Variants in GRAMD1C observed in about 807,000 individuals in gnomAD.
The protein encoded by GRAMD1C is protein Aster-C.
GRAMD1C carries 89 observed loss-of-function variants against 97.8 expected under a neutral mutation model. The ratio of observed to expected loss-of-function variants is 0.91; its 90% CI spans 0.77 to 1.09. The LOEUF (loss-of-function observed/expected upper bound fraction) is 1.09, where lower values mean the gene tolerates loss of function less well. GRAMD1C is among the 50% of genes least tolerant of loss of function. The probability of loss-of-function intolerance (pLI) is 0.00; values close to 1 mark genes in which losing one functional copy is unlikely to be tolerated. For synonymous variants in GRAMD1C, 256 were observed against 267.0 expected (o/e 0.96, Z 0.40); for missense variants, 740 against 766.4 (o/e 0.97, Z 0.41).
intron 6 of GRAMD1C, among the ~76,000 whole-genome samples, chr3:113,894,898 T>G (rs1389648273): frequency 6.6e-6 from 1 of 152,214 alleles, no homozygotes; most frequent in Admixed American, 6.5e-5. Context: ...GCTTCTATTT[T>G]GGGAATCACT....
At chr3:113,830,228 T>C (rs768742219) in intron 1 of GRAMD1C, among the ~76,000 whole-genome samples, 19 of 152,160 alleles carry the variant, frequency 1.2e-4, no homozygotes, top group Non-Finnish European at 2.2e-4. Context: ...GTTCTCTACA[T>C]GGCCAGGCAC....
chr3:113,860,230 C>T (rs141111529), intron 2 of GRAMD1C, among the ~76,000 whole-genome samples: 2,310 of 152,228 alleles, frequency 0.015, 49 homozygotes, highest in African/African-American at 0.05. Flanking sequence ...CCATGTTGGT[C>T]AGACCAGTCT....
intron 10 of GRAMD1C, among the ~76,000 whole-genome samples, chr3:113,929,849 G>C (rs1431899416): frequency 1.3e-5 from 2 of 152,116 alleles, no homozygotes; most frequent in Non-Finnish European, 2.9e-5. Context: ...TTCCTTTGAT[G>C]ATGAGTATAA....
chr3:113,896,802 A>G (rs1935967756), intron 6 of GRAMD1C, among the ~76,000 whole-genome samples: 1 of 152,152 alleles, frequency 6.6e-6, no homozygotes, highest in African/African-American at 2.4e-5. Flanking sequence ...TGATTTGTTT[A>G]CACACATCAC....
intron 1 of GRAMD1C, among the ~76,000 whole-genome samples, chr3:113,841,666 CT>C (rs1318474921): frequency 6.6e-6 from 1 of 151,990 alleles, no homozygotes; most frequent in Non-Finnish European, 1.5e-5. Context: ...ATAATTTTAA[CT>C]GGGCATTGAG....
chr3:113,887,079 CTTTTTGTTTTTTTTTTGTTTTT>C (rs1211044315), intron 6 of GRAMD1C, among the ~76,000 whole-genome samples: 1 of 97,506 alleles, frequency 1.0e-5, no homozygotes, highest in Non-Finnish European at 2.1e-5. Flanking sequence ...TGCGCCTGGC[CTTTTTGTTTTTTTTTTGTTTTT>C]TTTTTTTTTT....
chr3:113,933,318 C>T (rs1937509616), intron 11 of GRAMD1C, among the ~76,000 whole-genome samples, 193 bp from the exon 12 acceptor site: 1 of 152,184 alleles, frequency 6.6e-6, no homozygotes, highest in Non-Finnish European at 1.5e-5. Flanking sequence ...AGGCATAAGC[C>T]GCCATACCCG....
chr3:113,887,120 G>A, intron 6 of GRAMD1C, among the ~76,000 whole-genome samples: 1 of 121,596 alleles, frequency 8.2e-6, no homozygotes, highest in Non-Finnish European at 1.6e-5. Flanking sequence ...TTGAGATAGA[G>A]TCTCACTCTG....
rs534035148 is a variant in GRAMD1C at position 113,919,622 on chromosome 3, A to G, written c.1090+3784A>G. The G allele has an allele frequency of 1.9e-3, 1,176 of 629,850 alleles. 16 individuals carry two copies. The highest frequency in any genetic ancestry group is 0.015 in the South Asian group (1,026 of 68,030). 39.0% of individuals were successfully genotyped at this position (629,850 alleles called of 1,614,324 possible). On this transcript the variant is annotated intron_variant, in intron 10 of 17. Coordinates refer to ENST00000358160, the MANE Select transcript of GRAMD1C (RefSeq NM_017577.5). ...TCACTTGAGGTATTTTCTTAAAGTG[A>G]CAATAGTGAGAAGACTGACAGATTT...
chr3:113,885,094 C>T (rs1252885069), intron 6 of GRAMD1C, among the ~76,000 whole-genome samples: 2 of 151,946 alleles, frequency 1.3e-5, no homozygotes, highest in East Asian at 1.9e-4. Context: ...GGGCTGCCCA[C>T]GCCTGTCCCC....
chr3:113,892,085 C>T (rs1276088563), intron 6 of GRAMD1C, among the ~76,000 whole-genome samples: 1 of 151,750 alleles, frequency 6.6e-6, no homozygotes, highest in Non-Finnish European at 1.5e-5. Context: ...TTTATTTTTC[C>T]AGTAAAATAA....
Position 113,930,741 on chromosome 3 carries a change from A to G in GRAMD1C, c.1118A>G (p.Glu373Gly). 2.5e-6 allele frequency: 4 copies of G among 1,608,206 alleles called. No individual in the cohort carries two copies. The highest frequency in any genetic ancestry group is 3.4e-6 in the Non-Finnish European group (4 of 1,174,580). The part of the protein sequence containing the change: ...IDVVSTPWTA[E>G]LGGDQLRTMT... Reference sequence around the variant, plus strand: ...GTAGTATCTACCCCTTGGACTGCAGAACTTGGAGGTGATCAGCTGAGAACG... The same window carrying G: ...GTAGTATCTACCCCTTGGACTGCAGGACTTGGAGGTGATCAGCTGAGAACG... The change falls in exon 11 of 18, where the codon GAA (glutamate) becomes GGA (glycine). Residue 373 changes from glutamate to glycine, a missense_variant. Physicochemically the swap from Glu to Gly is moderately conservative, Grantham distance 98 (BLOSUM62 -2). Coordinates refer to ENST00000358160, the MANE Select transcript of GRAMD1C (RefSeq NM_017577.5).
chr3:113,875,367 G>T, intron 3 of GRAMD1C, 117 bp from the exon 4 acceptor site: 1 of 614,288 alleles, frequency 1.6e-6, no homozygotes. Context: ...ATGAAGGAAT[G>T]AATGAATGAA....
chr3:113,860,943 G>T (rs1317336632), intron 2 of GRAMD1C, among the ~76,000 whole-genome samples: 1 of 150,184 alleles, frequency 6.7e-6, no homozygotes, highest in East Asian at 2.0e-4. Context: ...TACAGCCTGG[G>T]GCAACAAGAA....
intron 2 of GRAMD1C, among the ~76,000 whole-genome samples, chr3:113,857,525 A>G (rs998214375): frequency 2.5e-4 from 38 of 151,886 alleles, no homozygotes; most frequent in South Asian, 1.5e-3. Flanking sequence ...ACGGGCGCCC[A>G]CCACCACGCC....
intron 17 of GRAMD1C, among the ~76,000 whole-genome samples, chr3:113,944,692 G>C (rs1269681779): frequency 1.3e-5 from 2 of 152,202 alleles, no homozygotes; most frequent in African/African-American, 4.8e-5. Context: ...TCCCTGACTA[G>C]TCTGTAAGCT....
chr3:113,867,755 C>G (rs1208353565), intron 2 of GRAMD1C, among the ~76,000 whole-genome samples: 1 of 152,164 alleles, frequency 6.6e-6, no homozygotes, highest in Non-Finnish European at 1.5e-5. Context: ...CAGTTTGAGT[C>G]ATGTCTTAGC....
chr3:113,862,011 C>T (rs559487577), intron 2 of GRAMD1C, among the ~76,000 whole-genome samples: 8 of 152,142 alleles, frequency 5.3e-5, no homozygotes, highest in Admixed American at 2.6e-4. Flanking sequence ...AGGGAGTGCA[C>T]AAATAGGGTG....
intron 2 of GRAMD1C, chr3:113,850,746 G>C: frequency 7.2e-7 from 1 of 1,381,990 alleles, no homozygotes. Context: ...GCTGCTGTAG[G>C]GTCCGGGGCT....
Sources: gnomAD v4.1 joint callset for allele counts (sites outside exome capture counted in the v4.1 genomes callset) on GRCh38, gnomAD v4.1.1 for gene constraint, MANE v1.5 for transcripts, NCBI Gene and HGNC (gene_info 2026-07-23, HGNC 2026-07-21) for gene names.